Variants in ASIC1 observed in about 807,000 individuals in gnomAD.
ASIC1 encodes acid-sensing ion channel 1.
In ASIC1, 21 loss-of-function variants were observed where a neutral mutation model predicts 63.4. The ratio of observed to expected loss-of-function variants is 0.33; its 90% CI spans 0.23 to 0.48. ASIC1 has a LOEUF of 0.48. Ranked by LOEUF, ASIC1 falls within the 20% of genes least tolerant of loss-of-function variation. ASIC1 has a pLI of 0.99. For synonymous variants in ASIC1, 258 were observed against 278.2 expected, an observed-to-expected ratio of 0.93 and a Z score of 0.72; for missense variants, 478 against 695.5, an observed-to-expected ratio of 0.69 and a Z score of 3.52.
intron 3 of ASIC1, among the ~76,000 whole-genome samples, chr12:50,072,743 A>G (rs1012658871): frequency 6.6e-6 from 1 of 152,174 alleles, no homozygotes; most frequent in Non-Finnish European, 1.5e-5. Context: ...CTGGTCAGAA[A>G]TGAGTCTGTG....
rs1318278240 is a variant in ASIC1, at chr12:50,078,439, C to T, written c.856C>T (p.Pro286Ser). 1.2e-6 allele frequency: 2 copies of T among 1,613,968 alleles called. No homozygotes were observed. Among genetic ancestry groups the T allele is most frequent in the African/African-American group, 1.3e-5 (1 of 74,902 alleles). The change falls in exon 6 of 12, where the codon CCC (proline) becomes TCC (serine). Residue 286 changes from proline (P) to serine (S), a missense_variant. Transcript: ENST00000447966. This position sits in a 1 kb window ranked among gnomAD's most constrained non-coding sequence, Gnocchi z 6.0. ...CCAGCAGCTCATCTACCTGCCCCCA[C>T]CCTGGGGCACCTGCAAAGCTGTTAC... ...QEQRLIYLPP[P>S]WGTCKAVTMD...
chr12:50,080,101 T>C, intron 8 of ASIC1, 46 bp downstream of exon 8: 1 of 1,558,132 alleles, frequency 6.4e-7, no homozygotes. Context: ...GTTGGGACTG[T>C]GGAATGGATG....
Position 50,074,042 on chromosome 12 carries a change from AC to A in ASIC1, c.559-3170del. 6.5e-7 allele frequency: 1 copy of A among 1,534,124 alleles called. No homozygotes were observed. The highest frequency in any genetic ancestry group is 8.7e-7 in the Non-Finnish European group (1 of 1,145,550). ...CGGCTGTCCCAGCTCAGCTACCCTG[AC>A]TTGCTTTATTTGGCCCCCATGCTGG... On this transcript the variant is annotated intron_variant, in intron 3 of 11. Coordinates refer to ENST00000447966, the MANE Select transcript of ASIC1 (RefSeq NM_001095.4). The surrounding 1 kb of genome is among the most constrained non-coding windows in gnomAD (Gnocchi z 4.2).
rs755142040 is a variant in ASIC1, at chr12:50,081,353, G to T, written c.1471G>T (p.Val491Phe). 1 of 1,604,162 alleles carries T rather than the reference G, an allele frequency of 6.2e-7. No individual in the cohort carries two copies. Among genetic ancestry groups the T allele is most frequent in the Non-Finnish European group, 8.5e-7 (1 of 1,175,488 alleles). Residue 491 changes from valine to phenylalanine, a missense_variant, in exon 11 of 12, where the codon GTC (valine) becomes TTC (phenylalanine). Around this residue, in one of 3 missense-constraint regions of ASIC1, gnomAD observed 104 missense variants for 97.0 expected, o/e 1.07. Coordinates refer to ENST00000447966, the MANE Select transcript of ASIC1 (RefSeq NM_001095.4). ...DKGVALSLDD[V>F]KRHNPCESLR... Reference sequence around the variant, plus strand: ...GGGCGTGGCCCTCAGCCTGGACGACGTCAAAAGACACGTGAGGGAGCGAGC... The same window carrying T: ...GGGCGTGGCCCTCAGCCTGGACGACTTCAAAAGACACGTGAGGGAGCGAGC...
intron 3 of ASIC1, 130 bp downstream of exon 3, chr12:50,060,084 C>G (rs956327806): frequency 1.8e-6 from 2 of 1,113,012 alleles, no homozygotes; most frequent in Non-Finnish European, 2.5e-6. Flanking sequence ...GGGTTTGCTT[C>G]TAGTAGAAGG....
rs1366662323 is a variant in ASIC1, at chr12:50,078,809, G to T, written c.995-115G>T. On this transcript the variant is annotated intron_variant, in intron 6 of 11. Transcript: ENST00000447966. The surrounding 1 kb of genome is among the most constrained non-coding windows in gnomAD (Gnocchi z 6.0). ...CACTTCTGGGGCAGCATGGGGGCCT[G>T]CCAGTCCTCCCTTCCCATCTTCTCC... The T allele has an allele frequency of 3.6e-6, 5 of 1,375,788 alleles. No homozygotes were observed. Among genetic ancestry groups the T allele is most frequent in the Non-Finnish European group, 5.2e-6 (5 of 967,486 alleles). 85.2% of individuals were successfully genotyped at this position (1,375,788 alleles called of 1,614,324 possible). A position where few individuals can be genotyped will look rare whatever the true frequency, so the allele number is the denominator to read the frequency against.
intron 3 of ASIC1, among the ~76,000 whole-genome samples, chr12:50,069,024 C>T (rs944226343): frequency 3.3e-5 from 5 of 152,178 alleles, no homozygotes; most frequent in African/African-American, 9.7e-5. Flanking sequence ...CCAGAATCCT[C>T]ACCGTGGCCT....
At chr12:50,076,711 G>C (rs1309214560) in intron 3 of ASIC1, 1 of 248,538 alleles carries the variant, frequency 4.0e-6, no homozygotes, top group Non-Finnish European at 8.1e-6. Context: ...TGACAGAGCT[G>C]GGGGCAGGGT....
At chr12:50,075,347 G>T (rs1368630733) in intron 3 of ASIC1, among the ~76,000 whole-genome samples, 1 of 152,220 alleles carries the variant, frequency 6.6e-6, no homozygotes, top group Non-Finnish European at 1.5e-5. Flanking sequence ...TTCTCACCCA[G>T]GCCCACCAGG....
intron 1 of ASIC1, among the ~76,000 whole-genome samples, chr12:50,058,302 C>T (rs901628188): frequency 6.6e-6 from 1 of 152,222 alleles, no homozygotes; most frequent in African/African-American, 2.4e-5. Context: ...CCCTTAGGAC[C>T]ACAGCCCCGT....
At position 50,057,596 on chromosome 12, in the gene ASIC1, C is replaced by G. The variant is rs986232865; in HGVS notation, c.-337C>G. ...GGCGCGCACGCGCACCCTCTCCCCT[C>G]CCCCTCCCCTCCCGCCGCCTCCCGG... On this transcript the variant is annotated 5_prime_UTR_variant, in exon 1 of 12. Coordinates refer to ENST00000447966, the MANE Select transcript of ASIC1 (RefSeq NM_001095.4). The surrounding 1 kb of genome is among the most constrained non-coding windows in gnomAD (Gnocchi z 4.7). The G allele has an allele frequency of 6.6e-6, 1 of 152,206 alleles. No homozygotes were observed. The highest frequency in any genetic ancestry group is 1.5e-5 in the Non-Finnish European group (1 of 68,108). 9.4% of individuals were successfully genotyped at this position (152,206 alleles called of 1,614,324 possible).
At position 50,083,492 on chromosome 12, in the gene ASIC1, A is replaced by C. The variant is rs561745046; in HGVS notation, c.*1843A>C. The C allele has an allele frequency of 6.5e-6, 1 of 152,812 alleles. No homozygotes were observed. Among genetic ancestry groups the C allele is most frequent in the African/African-American group, 2.4e-5 (1 of 41,574 alleles). The allele number at this position is 152,812 out of a possible 1,614,324, so 9.5% of individuals were successfully genotyped here. On this transcript the variant is annotated 3_prime_UTR_variant, in exon 12 of 12. Coordinates refer to ENST00000447966, the MANE Select transcript of ASIC1 (RefSeq NM_001095.4). Reference sequence around the variant, plus strand: ...TCTTGGTTCCTAAGAGTTTCCTCAGAGATCATACCTCCCCAGAGGGAAGCA... The same window carrying C: ...TCTTGGTTCCTAAGAGTTTCCTCAGCGATCATACCTCCCCAGAGGGAAGCA...
intron 3 of ASIC1, among the ~76,000 whole-genome samples, chr12:50,067,342 TA>T (rs1207552725): frequency 3.9e-5 from 6 of 152,156 alleles, no homozygotes; most frequent in Middle Eastern, 3.4e-3. Context: ...ATCCAGCAAA[TA>T]TTTTTTTTAT....
chr12:50,071,685 G>A (rs576571286), intron 3 of ASIC1, among the ~76,000 whole-genome samples: 6 of 147,264 alleles, frequency 4.1e-5, no homozygotes, highest in Non-Finnish European at 7.5e-5. Context: ...TTGTTCTGTC[G>A]CCCAGGCTGG....
chr12:50,077,229 G>A lies in ASIC1; in HGVS notation c.575G>A (p.Gly192Glu). 1 of 1,611,906 alleles carries A rather than the reference G, an allele frequency of 6.2e-7. No homozygotes were observed. Among genetic ancestry groups the A allele is most frequent in the Non-Finnish European group, 8.5e-7 (1 of 1,178,750 alleles). Reference sequence around the variant, plus strand: ...CCTCGCCAGGTCTTCACACGCTATGGAAAGTGCTACACGTTCAACTCGGGC... The same window carrying A: ...CCTCGCCAGGTCTTCACACGCTATGAAAAGTGCTACACGTTCAACTCGGGC... ...EDFKVVFTRYGKCYTFNSGRD... is the reference protein window; with the variant it reads ...EDFKVVFTRYEKCYTFNSGRD... The change falls in exon 4 of 12, where the codon GGA becomes GAA. Residue 192 changes from glycine (G) to glutamate (E), a missense_variant. Gly to Glu is a moderately conservative substitution (Grantham distance 98). This residue lies in a region of ASIC1 where 290 missense variants were observed against 414.9 expected (regional missense o/e 0.70). Transcript: ENST00000447966.
intron 3 of ASIC1, among the ~76,000 whole-genome samples, chr12:50,062,469 G>A (rs1027734345): frequency 2.0e-5 from 3 of 152,212 alleles, no homozygotes; most frequent in African/African-American, 4.8e-5. Flanking sequence ...GAGGAAAGAA[G>A]GTAGTCAGGG....
chr12:50,073,363 G>A (rs796276242), intron 3 of ASIC1, among the ~76,000 whole-genome samples: 2 of 152,050 alleles, frequency 1.3e-5, no homozygotes, highest in Admixed American at 1.3e-4. Flanking sequence ...CCAGACACCC[G>A]CCCTCCCTGG....
At position 50,083,051 on chromosome 12, in the gene ASIC1, C is replaced by G. The variant is rs1003237985; in HGVS notation, c.*1402C>G. On this transcript the variant is annotated 3_prime_UTR_variant, in exon 12 of 12. Coordinates refer to ENST00000447966, the MANE Select transcript of ASIC1 (RefSeq NM_001095.4). ...GACACTAAGCCAAGTGTGTCAGAGA[C>G]AGAAGGGAGCTGGGGATTGGCGACT... 2.0e-5 allele frequency: 3 copies of G among 152,730 alleles called. No individual in the cohort carries two copies. The highest frequency in any genetic ancestry group is 2.9e-5 in the Non-Finnish European group (2 of 68,118). 9.5% of individuals were successfully genotyped at this position (152,730 alleles called of 1,614,324 possible).
At chr12:50,067,688 G>A (rs1014149332) in intron 3 of ASIC1, among the ~76,000 whole-genome samples, 1 of 152,134 alleles carries the variant, frequency 6.6e-6, no homozygotes, top group Non-Finnish European at 1.5e-5. Context: ...CGGAGTGCTG[G>A]GATTACAGGC....
Sources: gnomAD v4.1 joint callset for allele counts (sites outside exome capture counted in the v4.1 genomes callset) on GRCh38, gnomAD v4.1.1 for gene constraint, gnomAD v4.1.1 regional missense constraint, Gnocchi (gnomAD v3.1) non-coding constraint, MANE v1.5 for transcripts, NCBI Gene and HGNC (gene_info 2026-07-23, HGNC 2026-07-21) for gene names.